DNAH5: variants seen among roughly 807,000 people sequenced by gnomAD.
The protein encoded by DNAH5 is dynein axonemal heavy chain 5.
A neutral mutation model predicts 518.2 loss-of-function variants in DNAH5; 372 were observed. That is an observed-to-expected ratio of 0.72 (90% CI 0.66 to 0.78). The LOEUF is 0.78. Among genes scored for constraint, DNAH5 ranks in the 30% least tolerant of loss-of-function variants. The probability of loss-of-function intolerance (pLI) is 0.00; values close to 1 mark genes in which losing one functional copy is unlikely to be tolerated. For synonymous variants in DNAH5, 2,039 were observed against 2,025.9 expected, an observed-to-expected ratio of 1.01 and a Z score of -0.17; for missense variants, 5,523 against 5,687.0, an observed-to-expected ratio of 0.97 and a Z score of 0.93.
At chr5:13,783,115 G>C (rs546646455) in intron 52 of DNAH5, among the ~76,000 whole-genome samples, 1 of 152,244 alleles carries the variant, frequency 6.6e-6, no homozygotes, top group Non-Finnish European at 1.5e-5. Context: ...ACTTAGACTT[G>C]GATGACTAGA....
chr5:13,889,129 G>A (rs1228994059), intron 17 of DNAH5, among the ~76,000 whole-genome samples: 1 of 151,834 alleles, frequency 6.6e-6, no homozygotes, highest in East Asian at 1.9e-4. Flanking sequence ...TAATAATGAT[G>A]GTATAATTGA....
At chr5:13,762,552 C>A (rs1032346934) in intron 60 of DNAH5, among the ~76,000 whole-genome samples, 170 bp downstream of exon 60, 1 of 152,100 alleles carries the variant, frequency 6.6e-6, no homozygotes, top group Non-Finnish European at 1.5e-5. Flanking sequence ...AACAGGATTA[C>A]AAAGAAGAAA....
Position 13,841,145 on chromosome 5 carries a change from A to G in DNAH5, c.5485-15T>C, listed in dbSNP as rs767729100. 5 of 1,596,918 alleles carry G rather than the reference A, an allele frequency of 3.1e-6. No individual in the cohort carries two copies. The highest frequency in any genetic ancestry group is 4.3e-6 in the Non-Finnish European group (5 of 1,165,052). On this transcript the variant is annotated splice_polypyrimidine_tract_variant and intron_variant, in intron 33 of 78. Transcript: ENST00000265104. ...AATAATCCAACCTTATGGAAATAAA[A>G]AAGGCTTCATGAATTTGTATGGCAT... is the stretch of plus-strand genomic sequence containing the variant.
chr5:13,981,545 G>A lies in DNAH5; in HGVS notation c.12+30103C>T, dbSNP rs546049514. Among the ~76,000 whole-genome samples the A allele has an allele frequency of 7.2e-5, 11 of 152,242 alleles. No individual in the cohort carries two copies. In the South Asian group the frequency reaches 2.1e-3, roughly 29 times the overall value. ...GCAAGGTAAGTGGATTTTTTGATGT[G>A]GCACTATGAAAGAAGTGGAATGTGC... is the stretch of plus-strand genomic sequence containing the variant. On this transcript the variant is annotated intron_variant, in intron 1 of 78. Coordinates refer to the DNAH5 transcript ENST00000681290.
chr5:13,870,923 C>T lies in DNAH5; in HGVS notation c.3678G>A (p.Arg1226=). Residue 1226 remains arginine (R), a synonymous_variant, in exon 24 of 79, where the codon CGG becomes CGA. Coordinates refer to ENST00000265104, the MANE Select transcript of DNAH5 (RefSeq NM_001369.3). ...VIGRHCNKKY[R]SEMENIFMLI... is the part of the protein sequence containing the mutation. ...GCATAAAAATGTTTTCCATCTCACTCCGGTATTTTTTGTTACAGTGGCGTC... is the reference window on the plus strand; with the variant it reads ...GCATAAAAATGTTTTCCATCTCACTTCGGTATTTTTTGTTACAGTGGCGTC... 1 of 1,613,824 alleles carries T rather than the reference C, an allele frequency of 6.2e-7. No homozygotes were observed.
At chr5:13,924,863 A>G (rs1777697250) in intron 3 of DNAH5, among the ~76,000 whole-genome samples, 1 of 152,202 alleles carries the variant, frequency 6.6e-6, no homozygotes, top group South Asian at 2.1e-4. Context: ...TAATTTAAGT[A>G]CATAGAATAC....
rs775295817 is a variant in DNAH5, at chr5:13,762,822, T to C, written c.10181A>G (p.Glu3394Gly). The change falls in exon 60 of 79, where the codon GAA becomes GGA. Residue 3394 changes from glutamate (E) to glycine (G), a missense_variant. Glu to Gly is a moderately conservative substitution (Grantham distance 98). Around this residue, in one of 3 missense-constraint regions of DNAH5, gnomAD observed 5,121 missense variants for 5,223.3 expected, o/e 0.98. Coordinates refer to ENST00000265104, the MANE Select transcript of DNAH5 (RefSeq NM_001369.3). ...PYFEMPDYNI[E>G]TAKRVCGNVA... Reference sequence around the variant, plus strand: ...ATTTCCACATACGCGTTTAGCAGTTTCGATGTTATAGTCAGGCATTTCAAA... The same window carrying C: ...ATTTCCACATACGCGTTTAGCAGTTCCGATGTTATAGTCAGGCATTTCAAA... The C allele has an allele frequency of 1.2e-6, 2 of 1,614,126 alleles. No individual in the cohort carries two copies. The highest frequency in any genetic ancestry group is 2.2e-5 in the South Asian group (2 of 91,082).
chr5:13,844,843 G>A lies in DNAH5; in HGVS notation c.5265C>T (p.His1755=), dbSNP rs373540353. 2.3e-5 allele frequency: 37 copies of A among 1,614,040 alleles called. 1 individual carries two copies. The Admixed American group carries it at 3.7e-4, about 16-fold the overall frequency. The change falls in exon 32 of 79, where the codon CAC becomes CAT. Residue 1755 remains histidine (H), a synonymous_variant. Transcript: ENST00000265104. ...VFDNIKSVKF[H]EKIYDRILSI... is the part of the protein sequence containing the mutation. ...CCATTAGAATTAGGCGAACCTTTTC[G>A]TGGAACTTGACAGATTTAATGTTGT...
intron 32 of DNAH5, among the ~76,000 whole-genome samples, chr5:13,842,428 AAAG>A (rs763479331): frequency 6.1e-4 from 29 of 47,668 alleles, no homozygotes; most frequent in Middle Eastern, 9.6e-3. Context: ...AAAAGAAAAG[AAAG>A]AAAGAAAGAA....
intron 38 of DNAH5, among the ~76,000 whole-genome samples, chr5:13,825,227 C>T (rs938500474): frequency 6.6e-6 from 1 of 151,982 alleles, no homozygotes; most frequent in Non-Finnish European, 1.5e-5. Context: ...ACCTGTGATC[C>T]CAGCTACTCA....
intron 12 of DNAH5, 112 bp from the exon 13 acceptor site, chr5:13,902,250 G>T: frequency 1.3e-6 from 1 of 767,164 alleles, no homozygotes; most frequent in Non-Finnish European, 2.1e-6. Context: ...GGAACAAAAT[G>T]TAACCGAAAA....
At chr5:13,708,978 C>T (rs1444249941) in intron 75 of DNAH5, among the ~76,000 whole-genome samples, 1 of 152,200 alleles carries the variant, frequency 6.6e-6, no homozygotes, top group Non-Finnish European at 1.5e-5. Flanking sequence ...TATTTTTAGA[C>T]ATTTTTATCA....
upstream of DNAH5, among the ~76,000 whole-genome samples, chr5:13,945,766 C>T (rs116127631): frequency 9.1e-3 from 1,388 of 152,178 alleles, 12 homozygotes; most frequent in Middle Eastern, 0.034. Flanking sequence ...TCACAACACG[C>T]GGCTAATTTT....
chr5:13,901,205 G>A lies in DNAH5; in HGVS notation c.2052+47C>T, dbSNP rs767120086. On this transcript the variant is annotated intron_variant, in intron 14 of 78. Coordinates refer to ENST00000265104, the MANE Select transcript of DNAH5 (RefSeq NM_001369.3). ...AACACTGTCAAATGCTAGAAGAGGG[G>A]TTCCCATGATTCCAACAATGGGAAG... 6 of 1,576,702 alleles carry A rather than the reference G, an allele frequency of 3.8e-6. No homozygotes were observed. The East Asian group carries it at 8.9e-5, about 24-fold the overall frequency.
chr5:13,793,836 T>C (rs987030917), intron 48 of DNAH5, 100 bp downstream of exon 48: 8 of 1,552,208 alleles, frequency 5.2e-6, no homozygotes, highest in South Asian at 1.2e-5. Flanking sequence ...AGAAATTATA[T>C]CTTGAAAAAG....
At chr5:13,810,367 T>G in intron 44 of DNAH5, 107 bp from the exon 45 acceptor site, 1 of 953,326 alleles carries the variant, frequency 1.0e-6, no homozygotes, top group Non-Finnish European at 1.6e-6. Context: ...CTAGTTGCCC[T>G]CCAAGAACAA....
At chr5:13,983,789 C>T (rs534172748) in intron 1 of DNAH5, among the ~76,000 whole-genome samples, 63 of 152,260 alleles carry the variant, frequency 4.1e-4, no homozygotes, top group Non-Finnish European at 7.1e-4. Flanking sequence ...AGGCAATCAG[C>T]GAAGGTTTTG....
At chr5:13,894,576 TAAG>T in intron 16 of DNAH5, 71 bp downstream of exon 16, 1 of 1,489,010 alleles carries the variant, frequency 6.7e-7, no homozygotes, top group African/African-American at 1.4e-5. Flanking sequence ...TCCATATTGA[TAAG>T]AAATTATTCA....
intron 22 of DNAH5, among the ~76,000 whole-genome samples, chr5:13,873,676 AT>A (rs1466829299): frequency 6.6e-6 from 1 of 151,744 alleles, no homozygotes; most frequent in African/African-American, 2.4e-5. Flanking sequence ...TTATTTATTT[AT>A]TTTTGTAGAG....
Sources: allele counts gnomAD v4.1 joint callset (sites outside exome capture counted in the v4.1 genomes callset), GRCh38; gene constraint gnomAD v4.1.1; regional missense constraint gnomAD v4.1.1; transcripts MANE v1.5; gene names NCBI Gene and HGNC (gene_info 2026-07-23, HGNC 2026-07-21).